RTTN: variants seen among roughly 807,000 people sequenced by gnomAD.
RTTN encodes rotatin.
Under a neutral mutation model 269.2 loss-of-function variants are expected in RTTN, and 182 were observed. That is an observed-to-expected ratio of 0.68 (90% CI 0.60 to 0.76). The LOEUF is 0.76. Among genes scored for constraint, RTTN ranks in the 30% least tolerant of loss-of-function variants. The pLI, the probability that RTTN is intolerant of heterozygous loss-of-function variation, is 0.00. For synonymous variants in RTTN, 1,006 were observed against 963.5 expected (o/e 1.04, Z -0.82); for missense variants, 2,545 against 2,608.6 (o/e 0.98, Z 0.53).
Position 70,142,294 on chromosome 18 carries a change from TA to T in RTTN, c.2574del (p.Met859CysfsTer10). On this transcript the variant is annotated frameshift_variant, in exon 19 of 49. Transcript: ENST00000640769. LOFTEE classifies it high-confidence loss of function. ...RKSAAEQLAV[I>X]MQDIKMHAVV... Reference sequence around the variant, plus strand: ...TTCCCTTAAAAGACATTACCTTGCATAATCACAGCTAACTGTTCAGCAGCTG... The same window carrying T: ...TTCCCTTAAAAGACATTACCTTGCATATCACAGCTAACTGTTCAGCAGCTG... 1 of 1,587,256 alleles carries T rather than the reference TA, an allele frequency of 6.3e-7. No homozygotes were observed. Among genetic ancestry groups the T allele is most frequent in the Non-Finnish European group, 8.6e-7 (1 of 1,157,924 alleles).
intron 23 of RTTN, chr18:70,129,986 T>G (rs1485012589): frequency 6.6e-6 from 1 of 152,006 alleles, no homozygotes; most frequent in African/African-American, 2.4e-5. Context: ...GAATAGAAAC[T>G]TCTTAAAAGA....
At chr18:70,159,088 G>A (rs1334495668) in intron 14 of RTTN, among the ~76,000 whole-genome samples, 1 of 152,008 alleles carries the variant, frequency 6.6e-6, no homozygotes, top group Admixed American at 6.6e-5. Context: ...TGACCAAATG[G>A]ACCTAGGAGA....
At position 70,143,603 on chromosome 18, in the gene RTTN, G is replaced by C. The variant is rs375580528; in HGVS notation, c.2482-1216C>G. Among the ~76,000 whole-genome samples, 63 of 152,174 alleles carry C rather than the reference G, an allele frequency of 4.1e-4. No homozygotes were observed. In the East Asian group the frequency reaches 9.7e-3, roughly 23 times the overall value. ...GACACTGGGGCCTGCCTGAGGGTGG[G>C]GGGTAGGAGGCGGGAGAGGATCTGA... On this transcript the variant is annotated intron_variant, in intron 18 of 48. Transcript: ENST00000640769.
At chr18:70,130,869 T>C (rs958563836) in intron 23 of RTTN, 3 of 152,028 alleles carry the variant, frequency 2.0e-5, no homozygotes, top group Non-Finnish European at 4.4e-5. Context: ...TCATTATACA[T>C]TGTATGCTTA....
intron 14 of RTTN, 64 bp downstream of exon 14, chr18:70,165,998 G>A (rs962937288): frequency 2.6e-6 from 4 of 1,515,364 alleles, no homozygotes; most frequent in African/African-American, 2.8e-5. Flanking sequence ...TAAGTTTGAA[G>A]GTATAACAAG....
At chr18:70,075,196 G>T in intron 33 of RTTN, 156 bp downstream of exon 33, 1 of 527,060 alleles carries the variant, frequency 1.9e-6, no homozygotes, top group Non-Finnish European at 3.2e-6. Flanking sequence ...GAAAGAAGAC[G>T]GGAAGAAAAT....
chr18:70,132,635 T>C (rs1417295325), intron 23 of RTTN, among the ~76,000 whole-genome samples: 1 of 151,932 alleles, frequency 6.6e-6, no homozygotes, highest in South Asian at 2.1e-4. Flanking sequence ...TCGTGGAATA[T>C]ACCAAAAGCC....
At chr18:70,141,351 T>C (rs113052859) in intron 19 of RTTN, among the ~76,000 whole-genome samples, 7 of 152,224 alleles carry the variant, frequency 4.6e-5, no homozygotes, top group African/African-American at 1.7e-4. Flanking sequence ...CAAAAGCCTA[T>C]GGAATAACAA....
rs773016162 is a variant in RTTN at position 70,128,380 on chromosome 18, T to G, written c.3121A>C (p.Asn1041His). The G allele has an allele frequency of 3.1e-6, 5 of 1,612,404 alleles. No individual in the cohort carries two copies. The Admixed American group carries it at 6.7e-5, about 22-fold the overall frequency. ...HGSDNLLKQMNSETKTQEILD... is the reference protein window; with the variant it reads ...HGSDNLLKQMHSETKTQEILD... ...TACTCTTGCGTTTTAGTTTCAGAGT[T>G]CATTTGCTTCAACAGATTATCACTC... Residue 1041 changes from asparagine to histidine, a missense_variant, in exon 24 of 49, where the codon AAC becomes CAC. Asn to His is a moderately conservative substitution (Grantham distance 68). Coordinates refer to ENST00000640769, the MANE Select transcript of RTTN (RefSeq NM_173630.4).
At chr18:70,104,514 G>A (rs530609923) in intron 28 of RTTN, among the ~76,000 whole-genome samples, 4 of 152,276 alleles carry the variant, frequency 2.6e-5, no homozygotes, top group Admixed American at 1.3e-4. Flanking sequence ...GTCATTCTCC[G>A]TCCAGCTTTG....
chr18:70,205,543 C>G (rs2062057577), intron 1 of RTTN, 85 bp downstream of exon 1: 1 of 1,566,688 alleles, frequency 6.4e-7, no homozygotes, highest in Non-Finnish European at 8.8e-7. Flanking sequence ...GCGGAGCGGC[C>G]GGCCGCGGAA....
intron 25 of RTTN, 113 bp from the exon 26 acceptor site, chr18:70,121,813 G>A: frequency 9.8e-7 from 1 of 1,018,758 alleles, no homozygotes; most frequent in South Asian, 1.9e-5. Context: ...TATTTTATGA[G>A]ACACTGTTTT....
chr18:70,047,749 T>C (rs1044105715), intron 40 of RTTN, among the ~76,000 whole-genome samples: 21 of 152,218 alleles, frequency 1.4e-4, no homozygotes, highest in African/African-American at 5.1e-4. Flanking sequence ...ACTTCAAATC[T>C]TTACATCATA....
chr18:70,152,123 C>T (rs1351811398), intron 14 of RTTN, among the ~76,000 whole-genome samples: 1 of 152,224 alleles, frequency 6.6e-6, no homozygotes, highest in Non-Finnish European at 1.5e-5. Flanking sequence ...CTGTTCCCAA[C>T]TTCTAACTGG....
intron 21 of RTTN, 39 bp from the exon 22 acceptor site, chr18:70,135,319 C>A: frequency 8.5e-7 from 1 of 1,179,766 alleles, no homozygotes; most frequent in Non-Finnish European, 1.2e-6. Flanking sequence ...AATATTTGTA[C>A]GTCTAGAAAG....
intron 11 of RTTN, among the ~76,000 whole-genome samples, chr18:70,176,194 G>GTAT (rs1568516023): frequency 9.8e-5 from 14 of 143,288 alleles, no homozygotes; most frequent in Non-Finnish European, 4.6e-5. Context: ...CGTAGATGTA[G>GTAT]ATGTAGATGT....
intron 35 of RTTN, among the ~76,000 whole-genome samples, chr18:70,064,448 A>C (rs2058079172): frequency 6.6e-6 from 1 of 152,152 alleles, no homozygotes; most frequent in Non-Finnish European, 1.5e-5. Flanking sequence ...AAATGCCTAT[A>C]TCACGTGATG....
intron 46 of RTTN, among the ~76,000 whole-genome samples, chr18:70,011,141 C>T (rs1284567363): frequency 6.6e-6 from 1 of 152,130 alleles, no homozygotes; most frequent in African/African-American, 2.4e-5. Flanking sequence ...GAATTCACAG[C>T]CGAATTCTAC....
chr18:70,193,467 GA>G lies in RTTN; in HGVS notation c.842-15del. The G allele has an allele frequency of 6.8e-7, 1 of 1,474,558 alleles. No individual in the cohort carries two copies. Among genetic ancestry groups the G allele is most frequent in the Non-Finnish European group, 9.0e-7 (1 of 1,108,812 alleles). 91.3% of individuals were successfully genotyped at this position (1,474,558 alleles called of 1,614,324 possible). A position where few individuals can be genotyped will look rare whatever the true frequency, so the allele number is the denominator to read the frequency against. On this transcript the variant is annotated splice_polypyrimidine_tract_variant and intron_variant, in intron 7 of 48. Coordinates refer to ENST00000640769, the MANE Select transcript of RTTN (RefSeq NM_173630.4). ...GGGAAACTGTGTCTGGGGAAACAAAGAAAAAATAAAATTATTCTTTAGTAGA... is the reference window on the plus strand; with the variant it reads ...GGGAAACTGTGTCTGGGGAAACAAAGAAAAATAAAATTATTCTTTAGTAGA...
Sources: gnomAD v4.1 joint callset for allele counts (sites outside exome capture counted in the v4.1 genomes callset) on GRCh38, gnomAD v4.1.1 for gene constraint, MANE v1.5 for transcripts, NCBI Gene and HGNC (gene_info 2026-07-23, HGNC 2026-07-21) for gene names.